The following NEGR1 variants were observed in gnomAD, a reference collection of about 807,000 sequenced individuals.
NEGR1 encodes neuronal growth regulator 1, also known as IgLON family member 4.
A neutral mutation model predicts 40.9 loss-of-function variants in NEGR1; 10 were observed. The ratio of observed to expected loss-of-function variants is 0.24; its 90% confidence interval spans 0.15 to 0.42. The LOEUF (loss-of-function observed/expected upper bound fraction) is 0.42, where lower values mean the gene tolerates loss of function less well. NEGR1 is among the 10% of genes least tolerant of loss of function. NEGR1 has a pLI of 1.00. For missense variants in NEGR1, 352 were observed against 438.9 expected (o/e 0.80, Z 1.77); for synonymous variants, 185 against 166.8 (o/e 1.11, Z -0.84).
At chr1:72,279,720 C>T (rs1042977734) in intron 1 of NEGR1, among the ~76,000 whole-genome samples, 2 of 152,122 alleles carry the variant, frequency 1.3e-5, no homozygotes, top group Admixed American at 1.3e-4. Flanking sequence ...GTTGCCTATA[C>T]TCAATTAGTC....
chr1:72,264,930 C>T (rs1053950090), intron 1 of NEGR1, among the ~76,000 whole-genome samples: 1 of 150,322 alleles, frequency 6.7e-6, no homozygotes, highest in Non-Finnish European at 1.5e-5. Flanking sequence ...TTATTTATGT[C>T]ATTTTGAAGA....
At chr1:71,800,434 CT>C (rs1479639834) in intron 2 of NEGR1, among the ~76,000 whole-genome samples, 1 of 152,082 alleles carries the variant, frequency 6.6e-6, no homozygotes, top group African/African-American at 2.4e-5. Context: ...TGCCTATGTC[CT>C]GAATGGTATT....
chr1:71,782,338 T>C (rs987126708), intron 2 of NEGR1, among the ~76,000 whole-genome samples: 2 of 152,162 alleles, frequency 1.3e-5, no homozygotes, highest in Non-Finnish European at 2.9e-5. Flanking sequence ...TTCTGTTGAT[T>C]ATAAGCCATC....
rs541596959 is a variant in NEGR1 at position 71,583,134 on chromosome 1, A to C, written c.940+9683T>G. Among the ~76,000 whole-genome samples, 60 of 145,046 alleles carry C rather than the reference A, an allele frequency of 4.1e-4. No homozygotes were observed. The South Asian group carries it at 0.011, about 27-fold the overall frequency. ...ATACAGAAAGTAAAAATAAATAAATAAATAAATAAATAAATAAATAGGTGA... is the reference window on the plus strand; with the variant it reads ...ATACAGAAAGTAAAAATAAATAAATCAATAAATAAATAAATAAATAGGTGA... On this transcript the variant is annotated intron_variant, in intron 6 of 6. Transcript: ENST00000357731.
At chr1:71,497,990 G>A (rs1336503643) in intron 6 of NEGR1, among the ~76,000 whole-genome samples, 2 of 152,002 alleles carry the variant, frequency 1.3e-5, no homozygotes, top group Non-Finnish European at 2.9e-5. Context: ...AAACTTAGGA[G>A]CTGATAGCTT....
At chr1:71,674,566 T>C (rs556313492) in intron 4 of NEGR1, among the ~76,000 whole-genome samples, 2 of 146,340 alleles carry the variant, frequency 1.4e-5, no homozygotes, top group South Asian at 4.4e-4. Context: ...CGAAATACTC[T>C]GCAGGCTTTT....
At chr1:71,867,373 G>A (rs745672624) in intron 2 of NEGR1, among the ~76,000 whole-genome samples, 11 of 152,102 alleles carry the variant, frequency 7.2e-5, no homozygotes, top group African/African-American at 2.2e-4. Flanking sequence ...AGACTCCGTC[G>A]AGGGAGGGGA....
chr1:71,607,425 T>C (rs1650105966), intron 5 of NEGR1, among the ~76,000 whole-genome samples: 1 of 152,212 alleles, frequency 6.6e-6, no homozygotes, highest in Non-Finnish European at 1.5e-5. Flanking sequence ...CTAGGTGCCA[T>C]AGTATAGGGG....
At chr1:72,049,819 T>G (rs940891007) in intron 1 of NEGR1, among the ~76,000 whole-genome samples, 8 of 151,602 alleles carry the variant, frequency 5.3e-5, no homozygotes. Flanking sequence ...TGTTATTATT[T>G]CGCTCTATAA....
At chr1:71,414,698 C>T (rs1372652343) in intron 6 of NEGR1, among the ~76,000 whole-genome samples, 7 of 152,108 alleles carry the variant, frequency 4.6e-5, no homozygotes. Flanking sequence ...ATTGCATGCT[C>T]CTGTACTGTA....
intron 6 of NEGR1, among the ~76,000 whole-genome samples, chr1:71,411,998 C>CT (rs1341732363): frequency 6.6e-6 from 1 of 151,104 alleles, no homozygotes; most frequent in African/African-American, 2.4e-5. Context: ...GAGACTCTGT[C>CT]TAAAAAAAAA....
At chr1:71,707,828 G>A (rs1356639427) in intron 3 of NEGR1, among the ~76,000 whole-genome samples, 2 of 152,136 alleles carry the variant, frequency 1.3e-5, no homozygotes, top group Non-Finnish European at 2.9e-5. Flanking sequence ...ATGTTTGTGA[G>A]AAAGTAAAGG....
At chr1:71,556,380 C>T (rs535523984) in intron 6 of NEGR1, among the ~76,000 whole-genome samples, 109 of 151,648 alleles carry the variant, frequency 7.2e-4, no homozygotes, top group Non-Finnish European at 1.2e-3. Flanking sequence ...GAGGTACACA[C>T]AGCTCAGTTA....
At chr1:71,472,160 A>C (rs1457249437) in intron 6 of NEGR1, among the ~76,000 whole-genome samples, 1 of 152,124 alleles carries the variant, frequency 6.6e-6, no homozygotes, top group Non-Finnish European at 1.5e-5. Context: ...TTTTACTTTA[A>C]GATCTATCAT....
At chr1:72,117,742 C>T (rs975196649) in intron 1 of NEGR1, among the ~76,000 whole-genome samples, 6 of 151,778 alleles carry the variant, frequency 4.0e-5, no homozygotes, top group Admixed American at 2.0e-4. Context: ...AGGCAGAATG[C>T]GTCTGGGGGT....
chr1:71,535,593 A>G (rs1282262570), intron 6 of NEGR1, among the ~76,000 whole-genome samples: 1 of 151,684 alleles, frequency 6.6e-6, no homozygotes, highest in African/African-American at 2.4e-5. Flanking sequence ...TGGCGAGGTA[A>G]TTTTATGTAA....
intron 1 of NEGR1, among the ~76,000 whole-genome samples, chr1:72,002,027 G>C (rs2100382898): frequency 6.6e-6 from 1 of 151,980 alleles, no homozygotes; most frequent in African/African-American, 2.4e-5. Context: ...TTGAAATTTT[G>C]GGTTTTAATA....
chr1:71,464,655 A>G (rs967966762), intron 6 of NEGR1, among the ~76,000 whole-genome samples: 4 of 152,114 alleles, frequency 2.6e-5, no homozygotes, highest in Non-Finnish European at 4.4e-5. Context: ...ATGTATATCA[A>G]TTAAAGAGGT....
At chr1:71,866,530 C>G (rs909080603) in intron 2 of NEGR1, among the ~76,000 whole-genome samples, 1 of 152,142 alleles carries the variant, frequency 6.6e-6, no homozygotes, top group African/African-American at 2.4e-5. Flanking sequence ...ACGTAAATAT[C>G]TGACCTTACA....
Sources: gnomAD v4.1 joint callset for allele counts (sites outside exome capture counted in the v4.1 genomes callset) on GRCh38, gnomAD v4.1.1 for gene constraint, MANE v1.5 for transcripts, NCBI Gene and HGNC (gene_info 2026-07-23, HGNC 2026-07-21) for gene names.